The following WDFY3 variants were observed in gnomAD, a reference collection of about 807,000 sequenced individuals.
The protein encoded by WDFY3 is WD repeat and FYVE domain-containing protein 3.
WDFY3 carries 66 observed loss-of-function variants against 409.6 expected under a neutral mutation model. That is an observed-to-expected ratio of 0.16 (90% confidence interval 0.13 to 0.20). The LOEUF is 0.20. WDFY3 is among the 10% of genes least tolerant of loss of function. The pLI is 1.00. For missense variants in WDFY3, 3,031 were observed against 4,298.1 expected (o/e 0.71, Z 8.24); for synonymous variants, 1,521 against 1,537.1 (o/e 0.99, Z 0.25).
intron 2 of WDFY3, among the ~76,000 whole-genome samples, chr4:84,925,085 G>A (rs1769795380): frequency 6.6e-6 from 1 of 152,176 alleles, no homozygotes; most frequent in Non-Finnish European, 1.5e-5. Flanking sequence ...GCACAGAATG[G>A]ACATCTAACC....
chr4:84,760,961 C>G (rs1477334652), intron 32 of WDFY3, among the ~76,000 whole-genome samples: 1 of 148,608 alleles, frequency 6.7e-6, no homozygotes, highest in Non-Finnish European at 1.5e-5. Context: ...AAATTTCCCT[C>G]TACACACTGC....
At position 84,726,719 on chromosome 4, in the gene WDFY3, C is replaced by G. The variant is rs886352139; in HGVS notation, c.7272+142G>C. Reference sequence around the variant, plus strand: ...AGCCTGAATGAAACCAACGGTTCAACTCTAAGGAACTTATAGGAAGAACAA... The same window carrying G: ...AGCCTGAATGAAACCAACGGTTCAAGTCTAAGGAACTTATAGGAAGAACAA... On this transcript the variant is annotated intron_variant, in intron 45 of 67. Coordinates refer to ENST00000295888, the MANE Select transcript of WDFY3 (RefSeq NM_014991.6). 3 of 671,154 alleles carry G rather than the reference C, an allele frequency of 4.5e-6. No individual in the cohort carries two copies. The South Asian group carries it at 6.9e-5, about 15-fold the overall frequency. 41.6% of individuals were successfully genotyped at this position (671,154 alleles called of 1,614,324 possible). A position where few individuals can be genotyped will look rare whatever the true frequency, so the allele number is the denominator to read the frequency against.
intron 2 of WDFY3, among the ~76,000 whole-genome samples, chr4:84,908,773 A>G (rs1021698472): frequency 6.6e-6 from 1 of 152,098 alleles, no homozygotes; most frequent in Non-Finnish European, 1.5e-5. Flanking sequence ...AATACAACAC[A>G]TTGTCCTTAT....
At position 84,753,827 on chromosome 4, in the gene WDFY3, G is replaced by T; in HGVS notation, c.5609C>A (p.Thr1870Asn). Residue 1870 changes from threonine (T) to asparagine (N), a missense_variant, in exon 35 of 68, where the codon ACC becomes AAC. Coordinates refer to ENST00000295888, the MANE Select transcript of WDFY3 (RefSeq NM_014991.6). ...EGSWLREYPVTLMQFFRYLYH... is the reference protein window; with the variant it reads ...EGSWLREYPVNLMQFFRYLYH... The stretch of plus-strand genomic sequence containing the variant: ...CAAATATCTGAAGAACTGCATCAGG[G>T]TCACAGGATATTCTCGGAGCCAAGA... The T allele has an allele frequency of 6.2e-7, 1 of 1,608,958 alleles. No individual in the cohort carries two copies.
At chr4:84,796,440 T>C (rs1228242993) in intron 19 of WDFY3, 81 bp downstream of exon 19, 7 of 814,350 alleles carry the variant, frequency 8.6e-6, no homozygotes, top group African/African-American at 1.8e-5. Flanking sequence ...TAATTAAGTA[T>C]ATTTAAAACC....
In WDFY3 at chr4:84,751,799, A is replaced by T. The variant is rs921737804; in HGVS notation, c.5740-83T>A. Reference sequence around the variant, plus strand: ...CTGTGTTTCCTAAAAATAAAACTGGAGCAGCAGCATTTTCCACCTATTAAG... The same window carrying T: ...CTGTGTTTCCTAAAAATAAAACTGGTGCAGCAGCATTTTCCACCTATTAAG... On this transcript the variant is annotated intron_variant, in intron 35 of 67. Transcript: ENST00000295888. 68 of 1,453,850 alleles carry T rather than the reference A, an allele frequency of 4.7e-5. 2 individuals are homozygous for T. The South Asian group carries it at 7.7e-4, about 17-fold the overall frequency. The allele number at this position is 1,453,850 out of a possible 1,614,324, so 90.1% of individuals were successfully genotyped here.
chr4:84,744,950 G>A (rs1046807903), intron 36 of WDFY3, among the ~76,000 whole-genome samples: 1 of 151,854 alleles, frequency 6.6e-6, no homozygotes, highest in Non-Finnish European at 1.5e-5. Context: ...GTTCTGACAG[G>A]AATGTTCTCT....
intron 17 of WDFY3, 24 bp downstream of exon 17, chr4:84,801,626 A>C: frequency 6.3e-7 from 1 of 1,585,568 alleles, no homozygotes; most frequent in Non-Finnish European, 8.6e-7. Context: ...ATTGTGGACT[A>C]TTTGAGTATG....
intron 25 of WDFY3, among the ~76,000 whole-genome samples, chr4:84,781,270 T>C (rs952464492): frequency 6.6e-6 from 1 of 152,070 alleles, no homozygotes; most frequent in African/African-American, 2.4e-5. Context: ...TAAAGAGGCA[T>C]TGTTTGAATG....
Position 84,756,961 on chromosome 4 carries a change from G to C in WDFY3, c.5389C>G (p.Pro1797Ala). Residue 1797 changes from proline to alanine, a missense_variant, in exon 33 of 68, where the codon CCT (proline) becomes GCT (alanine). By Grantham distance (27) the Pro-to-Ala change is conservative (BLOSUM62 -1). Around this residue, in one of 16 missense-constraint regions of WDFY3, gnomAD observed 342 missense variants for 463.7 expected, o/e 0.74. Coordinates refer to ENST00000295888, the MANE Select transcript of WDFY3 (RefSeq NM_014991.6). ...TGCTTACTCCGGCAGCTGATGACAG[G>C]CACACTGACCTGCAGGTTCTCAGGC... ...ELPENLQVSV[P>A]VISCRSKQGC... 15 of 1,614,000 alleles carry C rather than the reference G, an allele frequency of 9.3e-6. No homozygotes were observed. Among genetic ancestry groups the C allele is most frequent in the Non-Finnish European group, 1.2e-5 (14 of 1,179,936 alleles).
rs577351428 is a variant in WDFY3, at chr4:84,691,543, C to G, written c.9204+88G>C. On this transcript the variant is annotated intron_variant, in intron 60 of 67. Coordinates refer to ENST00000295888, the MANE Select transcript of WDFY3 (RefSeq NM_014991.6). ...GAGGAACAGCTGACAAGCCCTTGGA[C>G]TGGGTTCTCCCCAACCCTATTAGTC... The G allele has an allele frequency of 3.5e-6, 5 of 1,418,574 alleles. 1 individual carries two copies. In the South Asian group the frequency reaches 5.6e-5, roughly 16 times the overall value. 87.9% of individuals were successfully genotyped at this position (1,418,574 alleles called of 1,614,324 possible).
chr4:84,828,091 GAGGGAGGA>G (rs1435578543), intron 9 of WDFY3, among the ~76,000 whole-genome samples: 9 of 140,624 alleles, frequency 6.4e-5, no homozygotes, highest in South Asian at 2.7e-4. Flanking sequence ...GGGAGGGAGG[GAGGGAGGA>G]AGGGAGGAAG....
At position 84,794,965 on chromosome 4, in the gene WDFY3, G is replaced by A; in HGVS notation, c.3182C>T (p.Pro1061Leu). 6.5e-7 allele frequency: 1 copy of A among 1,546,184 alleles called. No homozygotes were observed. The highest frequency in any genetic ancestry group is 1.7e-4 in the Middle Eastern group (1 of 5,746). The change falls in exon 20 of 68, where the codon CCC becomes CTC. Residue 1061 changes from proline to leucine, a missense_variant. This residue lies in a region of WDFY3 where 1,322 missense variants were observed against 1,697.9 expected (regional missense o/e 0.78). Coordinates refer to ENST00000295888, the MANE Select transcript of WDFY3 (RefSeq NM_014991.6). Reference sequence around the variant, plus strand: ...AGGAGCATTATGAGGGGCCAAACTGGGCAAAAAAAGACATCTATTAAAGAA... The same window carrying A: ...AGGAGCATTATGAGGGGCCAAACTGAGCAAAAAAAGACATCTATTAAAGAA... ...SLEGFGCLFL[P>L]SLAPHNAPTN...
chr4:84,956,691 A>C (rs2151165786), intron 1 of WDFY3, among the ~76,000 whole-genome samples: 1 of 152,290 alleles, frequency 6.6e-6, no homozygotes, highest in African/African-American at 2.4e-5. Flanking sequence ...CTAAGCTTGC[A>C]ACCTCATCAA....
At chr4:84,841,374 G>T in intron 5 of WDFY3, 111 bp from the exon 6 acceptor site, 2 of 830,266 alleles carry the variant, frequency 2.4e-6, no homozygotes, top group Non-Finnish European at 3.8e-6. Flanking sequence ...AATTATATCA[G>T]CACTATTACA....
intron 56 of WDFY3, among the ~76,000 whole-genome samples, chr4:84,700,459 C>T (rs1205377827): frequency 6.6e-6 from 1 of 152,198 alleles, no homozygotes; most frequent in Admixed American, 6.5e-5. Context: ...CTGCCTTGGC[C>T]TCCCAAAGTG....
chr4:84,840,031 G>A (rs765821826), intron 6 of WDFY3, among the ~76,000 whole-genome samples: 1 of 152,164 alleles, frequency 6.6e-6, no homozygotes, highest in Non-Finnish European at 1.5e-5. Context: ...CAGTCACATG[G>A]TACAATTATG....
intron 13 of WDFY3, among the ~76,000 whole-genome samples, chr4:84,813,635 T>C (rs1027730464): frequency 1.3e-5 from 2 of 152,100 alleles, no homozygotes; most frequent in Non-Finnish European, 2.9e-5. Context: ...CCTGCCCTCT[T>C]CCAGCCTGAG....
chr4:84,914,214 G>A (rs1463585432), intron 2 of WDFY3, among the ~76,000 whole-genome samples: 1 of 152,092 alleles, frequency 6.6e-6, no homozygotes, highest in African/African-American at 2.4e-5. Context: ...AAGGTGAGGA[G>A]ATCAAGACCA....
Sources: allele counts gnomAD v4.1 joint callset (sites outside exome capture counted in the v4.1 genomes callset), GRCh38; gene constraint gnomAD v4.1.1; regional missense constraint gnomAD v4.1.1; transcripts MANE v1.5; gene names NCBI Gene and HGNC (gene_info 2026-07-23, HGNC 2026-07-21).